Variants in SF3B3 observed in about 807,000 individuals in gnomAD.
SF3B3 encodes the protein SAP 130.
A neutral mutation model predicts 139.2 loss-of-function variants in SF3B3; 33 were observed. The ratio of observed to expected loss-of-function variants is 0.24; its 90% CI spans 0.18 to 0.32. SF3B3 has a LOEUF of 0.32. SF3B3 is among the 10% of genes least tolerant of loss of function. The pLI is 1.00. For missense variants in SF3B3, 818 were observed against 1,509.4 expected (o/e 0.54, Z 7.59); for synonymous variants, 596 against 563.6 (o/e 1.06, Z -0.81).
chr16:70,568,247 T>G, intron 21 of SF3B3, 36 bp from the exon 22 acceptor site: 1 of 1,517,866 alleles, frequency 6.6e-7, no homozygotes, highest in Non-Finnish European at 9.1e-7. Context: ...ACCCCAAGAT[T>G]ACACCCACCA....
rs565867460 is a variant in SF3B3, at chr16:70,575,229, T to C, written c.*3416T>C. 2.7e-4 allele frequency: 40 copies of C among 147,712 alleles called. No individual in the cohort carries two copies. Among genetic ancestry groups the C allele is most frequent in the Admixed American group, 2.6e-3 (38 of 14,798 alleles). The allele number at this position is 147,712 out of a possible 1,614,324, so 9.2% of individuals were successfully genotyped here. The stretch of plus-strand genomic sequence containing the variant: ...TTTTTTTTTTTTTGAGATGAAGTCT[T>C]ACTCTGTTGCCCAGGCTAGAGTACA... On this transcript the variant is annotated 3_prime_UTR_variant, in exon 26 of 26. Transcript: ENST00000302516.
chr16:70,563,800 C>T, intron 17 of SF3B3, 76 bp from the exon 18 acceptor site: 1 of 1,408,252 alleles, frequency 7.1e-7, no homozygotes, highest in Non-Finnish European at 9.9e-7. Context: ...TGTTTGCTGA[C>T]TGCTCAAAGT....
At chr16:70,568,204 C>T in intron 21 of SF3B3, 79 bp from the exon 22 acceptor site, 1 of 1,089,174 alleles carries the variant, frequency 9.2e-7, no homozygotes, top group Non-Finnish European at 1.4e-6. Context: ...CTACGTATGT[C>T]ATACGGAAAG....
intron 18 of SF3B3, 54 bp from the exon 19 acceptor site, chr16:70,565,011 G>A: frequency 6.4e-7 from 1 of 1,563,444 alleles, no homozygotes; most frequent in East Asian, 2.2e-5. Flanking sequence ...CCTCTTCTCA[G>A]CCAGCCCCTA....
At chr16:70,537,352 A>G (rs2050178428) in intron 6 of SF3B3, among the ~76,000 whole-genome samples, 1 of 152,108 alleles carries the variant, frequency 6.6e-6, no homozygotes, top group Non-Finnish European at 1.5e-5. Flanking sequence ...GGTAACTGAT[A>G]ATGGAATTTG....
intron 12 of SF3B3, 24 bp from the exon 13 acceptor site, chr16:70,555,027 G>T (rs776046844): frequency 1.2e-6 from 2 of 1,608,376 alleles, no homozygotes; most frequent in Non-Finnish European, 1.7e-6. Flanking sequence ...TTAAAGTCAG[G>T]TTTCTTTCTG....
rs1413185357 is a variant in SF3B3 at position 70,564,041 on chromosome 16, G to C, written c.2454G>C (p.Gln818His). The change falls in exon 18 of 26, where the codon CAG becomes CAC. Residue 818 changes from glutamine (Q) to histidine (H), a missense_variant. Physicochemically the swap from Gln to His is conservative, Grantham distance 24 (BLOSUM62 0). Around this residue, in one of 14 missense-constraint regions of SF3B3, gnomAD observed 25 missense variants for 68.1 expected, o/e 0.37. Coordinates refer to ENST00000302516, the MANE Select transcript of SF3B3 (RefSeq NM_012426.5). ...CCACGAAAGCTCAGAGAAAGCAGCA[G>C]ATGGCAGAGGTAATGAGACTAACGT... The part of the protein sequence containing the change: ...TEATKAQRKQ[Q>H]MAEEMVEAAG... 1.2e-6 allele frequency: 2 copies of C among 1,613,936 alleles called. No individual in the cohort carries two copies. The highest frequency in any genetic ancestry group is 8.5e-7 in the Non-Finnish European group (1 of 1,180,022).
rs1361894424 is a variant in SF3B3 at position 70,523,930 on chromosome 16, TAAA to T, written c.-71+7_-71+9del. 9.1e-6 allele frequency: 4 copies of T among 437,380 alleles called. No individual in the cohort carries two copies. Among genetic ancestry groups the T allele is most frequent in the Non-Finnish European group, 1.6e-5 (4 of 248,948 alleles). The allele number at this position is 437,380 out of a possible 1,614,324, so 27.1% of individuals were successfully genotyped here. Reference sequence around the variant, plus strand: ...CCACACCATCCTTCTCGCTGCAGGGTAAAAAAACAGCCTGGAGACTTCCCCGGG... The same window carrying T: ...CCACACCATCCTTCTCGCTGCAGGGTAAAACAGCCTGGAGACTTCCCCGGG... On this transcript the variant is annotated splice_donor_5th_base_variant and intron_variant, in intron 1 of 25. Transcript: ENST00000302516.
intron 10 of SF3B3, among the ~76,000 whole-genome samples, chr16:70,546,933 C>T (rs183546137): frequency 2.0e-5 from 3 of 151,978 alleles, no homozygotes; most frequent in East Asian, 1.9e-4. Context: ...GAGGCTGAGG[C>T]AGGAGAATGG....
intron 25 of SF3B3, 125 bp downstream of exon 25, chr16:70,571,324 T>C (rs2050527219): frequency 4.4e-6 from 3 of 679,602 alleles, no homozygotes; most frequent in Non-Finnish European, 7.6e-6. Flanking sequence ...GAGCAAAGGC[T>C]TCACCTGCTT....
chr16:70,553,650 T>C (rs1597718088), intron 11 of SF3B3, among the ~76,000 whole-genome samples: 2 of 151,990 alleles, frequency 1.3e-5, no homozygotes, highest in African/African-American at 4.8e-5. Context: ...TGTTGTAGGG[T>C]GAGATACATG....
chr16:70,532,064 G>A (rs1393501096), intron 4 of SF3B3, among the ~76,000 whole-genome samples: 3 of 152,132 alleles, frequency 2.0e-5, no homozygotes, highest in East Asian at 1.9e-4. Flanking sequence ...AGGCCGAGGC[G>A]GGCAGATCAC....
At chr16:70,551,867 A>G (rs769122096) in intron 11 of SF3B3, among the ~76,000 whole-genome samples, 1 of 152,182 alleles carries the variant, frequency 6.6e-6, no homozygotes, top group African/African-American at 2.4e-5. Flanking sequence ...ACTCTAGTAC[A>G]TAAGAATTAA....
rs775337547 is a variant in SF3B3, at chr16:70,554,431, T to G, written c.1403-15T>G. 4.3e-6 allele frequency: 7 copies of G among 1,613,572 alleles called. No individual in the cohort carries two copies. In the South Asian group the frequency reaches 7.7e-5, roughly 18 times the overall value. On this transcript the variant is annotated splice_polypyrimidine_tract_variant and intron_variant, in intron 11 of 25. Transcript: ENST00000302516. ...TGAGTTCTTATCTAACCAACTCCCT[T>G]CTTTTCTTTTTCAGATGAGTTTGAT...
chr16:70,560,448 T>G, intron 15 of SF3B3, 21 bp from the exon 16 acceptor site: 4 of 1,611,372 alleles, frequency 2.5e-6, no homozygotes, highest in Non-Finnish European at 3.4e-6. Context: ...AGGCTTCACC[T>G]GCTCCTCTCC....
intron 11 of SF3B3, among the ~76,000 whole-genome samples, chr16:70,552,008 C>T (rs1354019620): frequency 6.6e-6 from 1 of 152,188 alleles, no homozygotes; most frequent in Non-Finnish European, 1.5e-5. Context: ...GGCTCTCCCA[C>T]TTGTTGAATT....
At chr16:70,545,273 C>A (rs2050257558) in intron 10 of SF3B3, among the ~76,000 whole-genome samples, 1 of 152,158 alleles carries the variant, frequency 6.6e-6, no homozygotes, top group Non-Finnish European at 1.5e-5. Context: ...TATCATGTTT[C>A]CCTGGCTGGT....
chr16:70,530,989 C>A (rs930343420), intron 4 of SF3B3, 72 bp downstream of exon 4: 1 of 1,422,952 alleles, frequency 7.0e-7, no homozygotes, highest in African/African-American at 1.4e-5. Context: ...GTTTTCCGGC[C>A]GGGCGTGGTG....
intron 17 of SF3B3, 78 bp downstream of exon 17, chr16:70,561,862 A>G: frequency 7.5e-7 from 1 of 1,329,284 alleles, no homozygotes; most frequent in Non-Finnish European, 1.1e-6. Flanking sequence ...AGAGTGTTGG[A>G]GGAGGCTGTG....
Sources: gnomAD v4.1 joint callset for allele counts (sites outside exome capture counted in the v4.1 genomes callset) on GRCh38, gnomAD v4.1.1 for gene constraint, gnomAD v4.1.1 regional missense constraint, MANE v1.5 for transcripts, NCBI Gene and HGNC (gene_info 2026-07-23, HGNC 2026-07-21) for gene names.